Variants in TRPV1 observed in about 807,000 individuals in gnomAD.
TRPV1 encodes the protein OTRPC1.
A neutral mutation model predicts 82.3 loss-of-function variants in TRPV1; 82 were observed. That is an observed-to-expected ratio of 1.00 (90% confidence interval 0.83 to 1.20). The LOEUF (loss-of-function observed/expected upper bound fraction) is 1.20, where lower values mean the gene tolerates loss of function less well. Among genes scored for constraint, TRPV1 ranks in the 50% most tolerant of loss-of-function variants. The pLI, the probability that TRPV1 is intolerant of heterozygous loss-of-function variation, is 0.00. For synonymous variants in TRPV1, 515 were observed against 467.7 expected (o/e 1.10, Z -1.30); for missense variants, 1,067 against 1,096.8 (o/e 0.97, Z 0.38).
At chr17:3,572,692 G>A (rs1201513164) in intron 14 of TRPV1, among the ~76,000 whole-genome samples, 1 of 151,476 alleles carries the variant, frequency 6.6e-6, no homozygotes, top group East Asian at 1.9e-4. Flanking sequence ...TTCAAAAACG[G>A]AACAGTATAG....
intron 2 of TRPV1, among the ~76,000 whole-genome samples, chr17:3,598,554 G>A (rs1242348895): frequency 1.4e-5 from 2 of 142,624 alleles, no homozygotes; most frequent in East Asian, 2.0e-4. Flanking sequence ...CATACCCCTC[G>A]CTTAGTCACT....
chr17:3,604,931 G>A (rs1038046371), intron 2 of TRPV1, among the ~76,000 whole-genome samples: 4 of 152,112 alleles, frequency 2.6e-5, no homozygotes, highest in Admixed American at 1.3e-4. Flanking sequence ...CCTCAGGCGG[G>A]CATGCAAGAC....
At chr17:3,601,615 T>TA (rs1458061484) in intron 2 of TRPV1, 125 of 151,676 alleles carry the variant, frequency 8.2e-4, no homozygotes, top group African/African-American at 3.0e-3. Flanking sequence ...CTTTTTTTTT[T>TA]AAAGAGGTGG....
chr17:3,572,582 C>T (rs1054080813), intron 14 of TRPV1, among the ~76,000 whole-genome samples: 1 of 152,204 alleles, frequency 6.6e-6, no homozygotes, highest in Non-Finnish European at 1.5e-5. Flanking sequence ...AGCAGGGCCA[C>T]GAGTGAGACT....
At chr17:3,585,034 G>GA (rs1300364864) in intron 9 of TRPV1, 1 of 152,350 alleles carries the variant, frequency 6.6e-6, no homozygotes, top group Non-Finnish European at 1.5e-5. Context: ...GTGAGTGAAT[G>GA]AAAGAGGGCA....
At chr17:3,580,677 C>G in intron 10 of TRPV1, 150 bp from the exon 11 acceptor site, 1 of 808,942 alleles carries the variant, frequency 1.2e-6, no homozygotes, top group Non-Finnish European at 2.1e-6. Context: ...AAGGGTCAGG[C>G]CAATGGGGTG....
At position 3,596,242 on chromosome 17, in the gene TRPV1, A is replaced by G. The variant is rs117673976; in HGVS notation, c.-33-3859T>C. Among the ~76,000 whole-genome samples the G allele has an allele frequency of 9.6e-4, 146 of 152,164 alleles. 4 individuals are homozygous for G. The East Asian group carries it at 0.023, about 24-fold the overall frequency. The stretch of plus-strand genomic sequence containing the variant: ...GGGGGAAGGATCCCTTCTCTCCCCA[A>G]TGCAAGTGAGACAACATGGGGTGTG... On this transcript the variant is annotated intron_variant, in intron 2 of 16. Transcript: ENST00000572705.
intron 2 of TRPV1, among the ~76,000 whole-genome samples, chr17:3,606,125 AT>A (rs1168516333): frequency 2.0e-5 from 3 of 151,894 alleles, no homozygotes; most frequent in African/African-American, 7.3e-5. Context: ...TGCCCGGCTA[AT>A]TTTTTTGTAT....
At chr17:3,595,037 G>T (rs1319666730) in intron 2 of TRPV1, among the ~76,000 whole-genome samples, 1 of 152,110 alleles carries the variant, frequency 6.6e-6, no homozygotes, top group East Asian at 1.9e-4. Context: ...TTGGAAGCCT[G>T]GGGGGCCGGG....
intron 16 of TRPV1, among the ~76,000 whole-genome samples, chr17:3,567,738 T>G (rs2074788042): frequency 6.8e-6 from 1 of 148,112 alleles, no homozygotes; most frequent in East Asian, 2.0e-4. Flanking sequence ...CCAGGCCCAC[T>G]GGGTGACAGC....
Position 3,566,328 on chromosome 17 carries a change from T to A in TRPV1, c.*487A>T, listed in dbSNP as rs2074762677. On this transcript the variant is annotated 3_prime_UTR_variant, in exon 17 of 17. Transcript: ENST00000572705. ...CAACATGGCGAAACCCCATATCTAT[T>A]AAAAAAATACAAAAAATTAGCCAGA... 6.6e-6 allele frequency: 1 copy of A among 152,178 alleles called. No homozygotes were observed. The highest frequency in any genetic ancestry group is 1.5e-5 in the Non-Finnish European group (1 of 68,248). 9.4% of individuals were successfully genotyped at this position (152,178 alleles called of 1,614,324 possible). A position where few individuals can be genotyped will look rare whatever the true frequency, so the allele number is the denominator to read the frequency against.
At position 3,573,966 on chromosome 17, in the gene TRPV1, C is replaced by T. The variant is rs747002124; in HGVS notation, c.1781-11G>A. The T allele has an allele frequency of 1.3e-6, 2 of 1,582,380 alleles. No individual in the cohort carries two copies. The highest frequency in any genetic ancestry group is 1.7e-6 in the Non-Finnish European group (2 of 1,166,634). ...TCAGCGTCACCACCGCTACAGGGCA[C>T]AGGGAGGGCGGGGTGCCACTGGATA... On this transcript the variant is annotated splice_polypyrimidine_tract_variant and intron_variant, in intron 13 of 16. Transcript: ENST00000572705.
intron 10 of TRPV1, among the ~76,000 whole-genome samples, chr17:3,582,860 TTTTTTGAACCCAA>T (rs2075039119): frequency 6.6e-6 from 1 of 151,776 alleles, no homozygotes; most frequent in Admixed American, 6.6e-5. Context: ...CTCAGGAGAA[TTTTTTGAACCCAA>T]GAGGCGGAGG....
chr17:3,569,939 AGGG>A (rs1201760897), intron 16 of TRPV1, among the ~76,000 whole-genome samples: 2 of 146,190 alleles, frequency 1.4e-5, no homozygotes, highest in East Asian at 2.1e-4. Context: ...GGAGGGGCCA[AGGG>A]GTCAGGGAGG....
At chr17:3,599,884 G>A (rs1279563974) in intron 2 of TRPV1, among the ~76,000 whole-genome samples, 1 of 152,158 alleles carries the variant, frequency 6.6e-6, no homozygotes, top group Non-Finnish European at 1.5e-5. Context: ...CTCCCAAAGT[G>A]TTGGGATTAC....
chr17:3,589,613 G>T (rs1377091184), intron 7 of TRPV1, among the ~76,000 whole-genome samples, 194 bp downstream of exon 7: 1 of 152,128 alleles, frequency 6.6e-6, no homozygotes. Context: ...AAAATGGCAC[G>T]TTGGCCATTG....
chr17:3,581,776 T>A (rs1692538803), intron 10 of TRPV1, among the ~76,000 whole-genome samples: 1 of 145,776 alleles, frequency 6.9e-6, no homozygotes, highest in Admixed American at 7.0e-5. Flanking sequence ...TCCCAGCTAC[T>A]CGGGAGGCTG....
chr17:3,577,579 TG>T lies in TRPV1; in HGVS notation c.1713+18del. On this transcript the variant is annotated intron_variant, in intron 12 of 16. Coordinates refer to ENST00000572705, the MANE Select transcript of TRPV1 (RefSeq NM_080704.4). Reference sequence around the variant, plus strand: ...GTAAGCGGGCTCTGAGGAGACCCACTGGGGCCCAGGGAACCCACCTTCTCTA... The same window carrying T: ...GTAAGCGGGCTCTGAGGAGACCCACTGGGCCCAGGGAACCCACCTTCTCTA... 1.3e-6 allele frequency: 2 copies of T among 1,564,622 alleles called. No homozygotes were observed. The highest frequency in any genetic ancestry group is 1.7e-6 in the Non-Finnish European group (2 of 1,154,752).
chr17:3,566,247 T>A lies in TRPV1; in HGVS notation c.*568A>T, dbSNP rs543437231. The A allele has an allele frequency of 6.6e-6, 1 of 150,480 alleles. No individual in the cohort carries two copies. The highest frequency in any genetic ancestry group is 2.4e-5 in the African/African-American group (1 of 40,852). The allele number at this position is 150,480 out of a possible 1,614,324, so 9.3% of individuals were successfully genotyped here. A position where few individuals can be genotyped will look rare whatever the true frequency, so the allele number is the denominator to read the frequency against. ...GGCTCACACCTGTAATCCCAGCACTTTGGGAGGCCGAGGTGGGCGGATCAC... is the reference window on the plus strand; with the variant it reads ...GGCTCACACCTGTAATCCCAGCACTATGGGAGGCCGAGGTGGGCGGATCAC... On this transcript the variant is annotated 3_prime_UTR_variant, in exon 17 of 17. Transcript: ENST00000572705.
Sources: allele counts gnomAD v4.1 joint callset (sites outside exome capture counted in the v4.1 genomes callset), GRCh38; gene constraint gnomAD v4.1.1; transcripts MANE v1.5; gene names NCBI Gene and HGNC (gene_info 2026-07-23, HGNC 2026-07-21).